RALYL: variants seen among roughly 807,000 people sequenced by gnomAD.
RALYL encodes the protein RNA-binding Raly-like protein.
Under a neutral mutation model 35.1 loss-of-function variants are expected in RALYL, and 29 were observed. That is an observed-to-expected ratio of 0.83 (90% CI 0.61 to 1.13). RALYL has a LOEUF of 1.13. Among genes scored for constraint, RALYL ranks in the 50% most tolerant of loss-of-function variants. The probability of loss-of-function intolerance (pLI) is 0.00; values close to 1 mark genes in which losing one functional copy is unlikely to be tolerated. For synonymous variants in RALYL, 120 were observed against 127.6 expected, an observed-to-expected ratio of 0.94 and a Z score of 0.40; for missense variants, 359 against 360.4, an observed-to-expected ratio of 1.00 and a Z score of 0.03.
intron 1 of RALYL, among the ~76,000 whole-genome samples, chr8:84,288,946 C>T: frequency 6.6e-6 from 1 of 152,018 alleles, no homozygotes; most frequent in African/African-American, 2.4e-5. Flanking sequence ...AAAGCTATCA[C>T]AATAGGAGAG....
intron 3 of RALYL, among the ~76,000 whole-genome samples, chr8:84,800,786 C>A (rs902369956): frequency 1.3e-5 from 2 of 152,152 alleles, no homozygotes; most frequent in Non-Finnish European, 2.9e-5. Context: ...TTCCTCCTAG[C>A]AGTTTCCTTC....
chr8:84,565,095 G>C (rs2061692396), intron 2 of RALYL, among the ~76,000 whole-genome samples: 1 of 151,440 alleles, frequency 6.6e-6, no homozygotes, highest in South Asian at 2.1e-4. Context: ...CCTGAGATTT[G>C]TTTTATCCAC....
chr8:84,843,655 G>T (rs1233598650), intron 4 of RALYL, among the ~76,000 whole-genome samples: 1 of 152,110 alleles, frequency 6.6e-6, no homozygotes, highest in Non-Finnish European at 1.5e-5. Context: ...AGCCCACATT[G>T]CCAAGTCAAT....
At chr8:84,759,457 A>G (rs1028052412) in intron 2 of RALYL, among the ~76,000 whole-genome samples, 2 of 152,154 alleles carry the variant, frequency 1.3e-5, no homozygotes, top group Non-Finnish European at 2.9e-5. Flanking sequence ...TGCCTGCACT[A>G]GTTATTCAGT....
At chr8:84,688,312 A>G (rs113339179) in intron 2 of RALYL, among the ~76,000 whole-genome samples, 34 of 152,242 alleles carry the variant, frequency 2.2e-4, no homozygotes, top group African/African-American at 7.2e-4. Flanking sequence ...TATGTATCCA[A>G]TAAGATAATT....
intron 4 of RALYL, among the ~76,000 whole-genome samples, chr8:84,848,407 ATGTG>A (rs1453449837): frequency 6.7e-6 from 1 of 148,182 alleles, no homozygotes. Flanking sequence ...GCATATATAT[ATGTG>A]TGTGTATATA....
intron 1 of RALYL, among the ~76,000 whole-genome samples, chr8:84,262,709 T>C (rs1011102243): frequency 6.6e-6 from 1 of 152,166 alleles, no homozygotes; most frequent in South Asian, 2.1e-4. Flanking sequence ...GTTGGTGATC[T>C]ATTAATGGGT....
At chr8:84,727,946 G>A (rs908599580) in intron 2 of RALYL, among the ~76,000 whole-genome samples, 2 of 151,970 alleles carry the variant, frequency 1.3e-5, no homozygotes, top group African/African-American at 4.8e-5. Context: ...ATGTGCATGT[G>A]TCTTTATAGC....
intron 2 of RALYL, chr8:84,705,817 A>G (rs1450832108): frequency 2.9e-6 from 3 of 1,036,660 alleles, no homozygotes; most frequent in South Asian, 2.3e-5. Flanking sequence ...AATTTTCCCT[A>G]GAAGATTTAC....
At position 84,903,287 on chromosome 8, in the gene RALYL, A is replaced by G. The variant is rs182223220; in HGVS notation, c.858+15511A>G. 3.6e-4 allele frequency among the ~76,000 whole-genome samples: 55 copies of G among 152,346 alleles called. 1 individual carries two copies. The East Asian group carries it at 8.7e-3, about 24-fold the overall frequency. On this transcript the variant is annotated intron_variant, in intron 8 of 8. Transcript: ENST00000521268. ...ATTTATATGGGAATACTAAGAAGAA[A>G]GGAACTAATCAAGATAAAACAGTTG...
At chr8:84,656,741 C>A (rs901172597) in intron 2 of RALYL, among the ~76,000 whole-genome samples, 4 of 151,792 alleles carry the variant, frequency 2.6e-5, no homozygotes, top group Admixed American at 2.6e-4. Context: ...GCATTATCTA[C>A]CTGAGATAAA....
chr8:84,415,314 A>T (rs1586974106), intron 1 of RALYL, among the ~76,000 whole-genome samples: 1 of 150,106 alleles, frequency 6.7e-6, no homozygotes, highest in Non-Finnish European at 1.5e-5. Flanking sequence ...GGCTCGGCTC[A>T]CTGCAACCTC....
At chr8:84,361,254 T>C (rs1300403931) in intron 1 of RALYL, among the ~76,000 whole-genome samples, 3 of 152,208 alleles carry the variant, frequency 2.0e-5, no homozygotes, top group Non-Finnish European at 4.4e-5. Context: ...ATTTTGAGAA[T>C]GTTCCATTAG....
intron 1 of RALYL, among the ~76,000 whole-genome samples, chr8:84,306,401 G>A (rs545540155): frequency 2.2e-4 from 34 of 152,226 alleles, no homozygotes; most frequent in Admixed American, 1.1e-3. Context: ...TCTATCAGGC[G>A]AAGTGTTTTT....
chr8:84,473,697 T>C (rs2053061009), intron 1 of RALYL, among the ~76,000 whole-genome samples: 1 of 151,856 alleles, frequency 6.6e-6, no homozygotes, highest in Admixed American at 6.6e-5. Context: ...ATCAGTGTCC[T>C]TTGGGTTTTC....
intron 8 of RALYL, among the ~76,000 whole-genome samples, chr8:84,913,040 G>GA (rs1563856643): frequency 0.014 from 1,812 of 129,916 alleles, 23 homozygotes; most frequent in East Asian, 0.064. Context: ...GGATAGGTAG[G>GA]TAGATAGATA....
At chr8:84,834,419 T>C (rs1170251165) in intron 4 of RALYL, among the ~76,000 whole-genome samples, 1 of 152,152 alleles carries the variant, frequency 6.6e-6, no homozygotes, top group East Asian at 1.9e-4. Context: ...GAGAAGTCTA[T>C]GAGGATGTTA....
intron 6 of RALYL, 48 bp downstream of exon 6, chr8:84,862,501 A>G (rs1403797721): frequency 7.0e-7 from 1 of 1,429,142 alleles, no homozygotes; most frequent in Non-Finnish European, 9.4e-7. Flanking sequence ...GGGAGTGATT[A>G]ACTATCATTG....
At chr8:84,502,023 A>T (rs1029103884) in intron 1 of RALYL, among the ~76,000 whole-genome samples, 1 of 151,182 alleles carries the variant, frequency 6.6e-6, no homozygotes, top group Non-Finnish European at 1.5e-5. Context: ...TTTTTCACAA[A>T]CTATTTTGTA....
Sources: gnomAD v4.1 joint callset for allele counts (sites outside exome capture counted in the v4.1 genomes callset) on GRCh38, gnomAD v4.1.1 for gene constraint, MANE v1.5 for transcripts, NCBI Gene and HGNC (gene_info 2026-07-23, HGNC 2026-07-21) for gene names.